DLEC1: variants seen among roughly 807,000 people sequenced by gnomAD.
DLEC1 encodes DLEC1 cilia and flagella associated protein, also known as deleted in lung and esophageal cancer protein 1.
DLEC1 carries 146 observed loss-of-function variants against 198.1 expected under a neutral mutation model. That is an observed-to-expected ratio of 0.74 (90% CI 0.64 to 0.85). The LOEUF (loss-of-function observed/expected upper bound fraction) is 0.85. Ranked by LOEUF, DLEC1 falls within the 40% of genes least tolerant of loss-of-function variation. DLEC1 has a pLI of 0.00. For synonymous variants in DLEC1, 897 were observed against 866.8 expected, an observed-to-expected ratio of 1.03 and a Z score of -0.61; for missense variants, 2,233 against 2,220.0, an observed-to-expected ratio of 1.01 and a Z score of -0.12.
At chr3:38,110,383 A>C (rs1024163096) in intron 23 of DLEC1, 102 bp downstream of exon 23, 4 of 1,364,968 alleles carry the variant, frequency 2.9e-6, no homozygotes, top group Non-Finnish European at 4.1e-6. Context: ...GGTCGGTGTG[A>C]GAGATGGGAG....
Position 38,096,601 on chromosome 3 carries a change from A to G in DLEC1, c.2204A>G (p.Tyr735Cys), listed in dbSNP as rs1196433990. ...SEAESLGHSS[Y>C]SVDDVIVLEI... is the part of the protein sequence containing the mutation. ...GCGGAGAGCCTGGGGCACTCCTCCT[A>G]CTCTGTGGATGATGTGATTGTCCTG... Residue 735 changes from tyrosine to cysteine, a missense_variant, in exon 15 of 37, where the codon TAC (tyrosine) becomes TGC (cysteine). Physicochemically the swap from Tyr to Cys is radical, Grantham distance 194 (BLOSUM62 -2). Transcript: ENST00000308059. 6.2e-7 allele frequency: 1 copy of G among 1,611,822 alleles called. No individual in the cohort carries two copies. The highest frequency in any genetic ancestry group is 1.3e-5 in the African/African-American group (1 of 74,704).
intron 26 of DLEC1, 101 bp from the exon 27 acceptor site, chr3:38,114,882 T>C: frequency 1.0e-6 from 1 of 994,102 alleles, no homozygotes; most frequent in South Asian, 1.5e-5. Flanking sequence ...CAGACCACTG[T>C]GGTATTTCCC....
rs1700584113 is a variant in DLEC1 at position 38,123,353 on chromosome 3, T to C, written c.*941T>C. On this transcript the variant is annotated 3_prime_UTR_variant, in exon 37 of 37. Coordinates refer to ENST00000308059, the MANE Select transcript of DLEC1 (RefSeq NM_007335.4). ...TTAAGGAAAACAGGGATCATGCCCC[T>C]ACATCCTAAGTTCAGGGTGTTTCTG... is the stretch of plus-strand genomic sequence containing the variant. 1.1e-5 allele frequency: 6 copies of C among 544,544 alleles called. No individual in the cohort carries two copies. The highest frequency in any genetic ancestry group is 2.0e-5 in the Non-Finnish European group (6 of 303,274). 33.7% of individuals were successfully genotyped at this position (544,544 alleles called of 1,614,324 possible).
intron 6 of DLEC1, among the ~76,000 whole-genome samples, chr3:38,075,444 TGAA>T (rs1009887490): frequency 1.4e-4 from 21 of 151,890 alleles, no homozygotes; most frequent in African/African-American, 4.8e-4. Context: ...AGATGTGAGT[TGAA>T]GAGGTTTTAA....
intron 6 of DLEC1, among the ~76,000 whole-genome samples, chr3:38,081,338 C>T (rs1251248751): frequency 1.4e-5 from 2 of 140,142 alleles, no homozygotes; most frequent in Non-Finnish European, 3.1e-5. Context: ...GGGCACACCT[C>T]CCAGACGGGG....
intron 6 of DLEC1, among the ~76,000 whole-genome samples, chr3:38,078,901 T>G (rs890262511): frequency 5.9e-5 from 9 of 152,146 alleles, no homozygotes; most frequent in Non-Finnish European, 1.5e-5. Context: ...CTTGTCTGGT[T>G]TTAGGACAGG....
intron 4 of DLEC1, 104 bp downstream of exon 4, chr3:38,062,472 A>G: frequency 6.3e-7 from 1 of 1,577,458 alleles, no homozygotes; most frequent in Non-Finnish European, 8.7e-7. Context: ...CCATCGCAAA[A>G]TAGAGTAGAG....
rs1407212931 is a variant in DLEC1, at chr3:38,122,072, C to G, written c.5022C>G (p.Gly1674=). ...GCRSYWTMLM[G]QQEPAKAAVA... The stretch of plus-strand genomic sequence containing the variant: ...TGTCTTCCCTTCCCTTTGGTGCAGG[C>G]CAGCAGGAGCCAGCCAAGGCCGCTG... The change falls in exon 36 of 37, where the codon GGC becomes GGG. Residue 1674 remains glycine (G), a splice_region_variant and synonymous_variant. Coordinates refer to ENST00000308059, the MANE Select transcript of DLEC1 (RefSeq NM_007335.4). The G allele has an allele frequency of 6.2e-7, 1 of 1,613,900 alleles. No homozygotes were observed. Among genetic ancestry groups the G allele is most frequent in the Admixed American group, 1.7e-5 (1 of 59,996 alleles).
intron 30 of DLEC1, 43 bp from the exon 31 acceptor site, chr3:38,117,165 A>G (rs540255932): frequency 6.2e-7 from 1 of 1,613,908 alleles, no homozygotes; most frequent in Non-Finnish European, 8.5e-7. Flanking sequence ...CATGCTGCCT[A>G]CTCAGCCCAG....
chr3:38,054,613 C>G (rs773850432), intron 2 of DLEC1, among the ~76,000 whole-genome samples: 8 of 152,244 alleles, frequency 5.3e-5, no homozygotes, highest in Non-Finnish European at 1.2e-4. Context: ...GTCAACAAAC[C>G]TGCACTTTGA....
At chr3:38,073,498 T>C (rs2125638961) in intron 6 of DLEC1, among the ~76,000 whole-genome samples, 1 of 152,110 alleles carries the variant, frequency 6.6e-6, no homozygotes, top group South Asian at 2.1e-4. Flanking sequence ...TAGAGATGTC[T>C]TATACTTGTG....
At position 38,062,607 on chromosome 3, in the gene DLEC1, C is replaced by T. The variant is rs371419561; in HGVS notation, c.900C>T (p.Asn300=). Residue 300 remains asparagine (N), a synonymous_variant, in exon 5 of 37, where the codon AAC becomes AAT. Transcript: ENST00000308059. ...AAGCAAGTCAACCAAGGAATAAAAA[C>T]TGGATGAACCACTTACGTGTGCCAC... The part of the protein sequence containing the change: ...LKKASQPRNK[N]WMNHLRVPQR... 3.7e-6 allele frequency: 6 copies of T among 1,614,080 alleles called. No individual in the cohort carries two copies. The highest frequency in any genetic ancestry group is 5.1e-6 in the Non-Finnish European group (6 of 1,180,038).
intron 13 of DLEC1, 194 bp downstream of exon 13, chr3:38,095,265 T>C: frequency 1.6e-6 from 1 of 636,486 alleles, no homozygotes; most frequent in Non-Finnish European, 2.7e-6. Flanking sequence ...TGTCTGGTCC[T>C]GATCCCAGAC....
At position 38,117,004 on chromosome 3, in the gene DLEC1, C is replaced by G. The variant is rs1200035307; in HGVS notation, c.4209C>G (p.Ile1403Met). Residue 1403 changes from isoleucine (I) to methionine (M), a missense_variant, in exon 30 of 37, where the codon ATC (isoleucine) becomes ATG (methionine). Transcript: ENST00000308059. ...VVVPAGGSST[I>M]YISFTPMVLS... is the part of the protein sequence containing the mutation. ...TCCCTGCTGGGGGCAGCAGTACCAT[C>G]TACATCTCCTTCACCCCTATGGTGC... The G allele has an allele frequency of 6.2e-7, 1 of 1,614,030 alleles. No individual in the cohort carries two copies. The highest frequency in any genetic ancestry group is 1.7e-5 in the Admixed American group (1 of 60,020).
chr3:38,088,478 C>G (rs2125681426), intron 10 of DLEC1, 90 bp downstream of exon 10: 2 of 1,230,936 alleles, frequency 1.6e-6, no homozygotes, highest in Non-Finnish European at 2.4e-6. Context: ...CCAGTCCCAT[C>G]CCATATCACA....
At chr3:38,082,383 C>T (rs2125662922) in intron 6 of DLEC1, among the ~76,000 whole-genome samples, 1 of 150,096 alleles carries the variant, frequency 6.7e-6, no homozygotes, top group Admixed American at 6.6e-5. Context: ...TCCTCACTTC[C>T]CAGACGGGGT....
chr3:38,096,301 C>T (rs1357217760), intron 14 of DLEC1, among the ~76,000 whole-genome samples: 1 of 152,154 alleles, frequency 6.6e-6, no homozygotes, highest in African/African-American at 2.4e-5. Context: ...CAGCCCAGTG[C>T]AGAGATCCCA....
chr3:38,094,166 G>A lies in DLEC1; in HGVS notation c.1919+399G>A, dbSNP rs147480833. Among the ~76,000 whole-genome samples, 354 of 152,208 alleles carry A rather than the reference G, an allele frequency of 2.3e-3. 3 individuals carry two copies. The South Asian group carries it at 0.026, about 11-fold the overall frequency. On this transcript the variant is annotated intron_variant, in intron 12 of 36. Coordinates refer to ENST00000308059, the MANE Select transcript of DLEC1 (RefSeq NM_007335.4). Reference sequence around the variant, plus strand: ...AGAGGACATACCATGCCTGTGTAGGGGAAGCCATCCAAGTCCCAGGGGCAG... The same window carrying A: ...AGAGGACATACCATGCCTGTGTAGGAGAAGCCATCCAAGTCCCAGGGGCAG...
At chr3:38,081,243 A>G (rs1490124541) in intron 6 of DLEC1, among the ~76,000 whole-genome samples, 6 of 133,046 alleles carry the variant, frequency 4.5e-5, no homozygotes, top group Non-Finnish European at 6.4e-5. Context: ...CAACCATCCG[A>G]TTTCTCAATC....
Sources: gnomAD v4.1 joint callset for allele counts (sites outside exome capture counted in the v4.1 genomes callset) on GRCh38, gnomAD v4.1.1 for gene constraint, MANE v1.5 for transcripts, NCBI Gene and HGNC (gene_info 2026-07-23, HGNC 2026-07-21) for gene names.